Variants in SORCS1 observed in about 807,000 individuals in gnomAD.
SORCS1 encodes VPS10 domain-containing receptor SorCS1.
SORCS1 carries 60 observed loss-of-function variants against 146.1 expected under a neutral mutation model. The observed-to-expected ratio is 0.41, with a 90% CI of 0.33 to 0.51. The LOEUF is 0.51. SORCS1 is among the 20% of genes least tolerant of loss of function. The pLI, the probability that SORCS1 is intolerant of heterozygous loss-of-function variation, is 0.21. For missense variants in SORCS1, 1,352 were observed against 1,487.6 expected (o/e 0.91, Z 1.50); for synonymous variants, 637 against 584.0 (o/e 1.09, Z -1.31).
chr10:106,823,287 T>C (rs930482969), intron 3 of SORCS1, among the ~76,000 whole-genome samples: 4 of 152,204 alleles, frequency 2.6e-5, no homozygotes, highest in Admixed American at 2.0e-4. Context: ...AAGTGAGTGC[T>C]ATGCAAAGTC....
At chr10:107,026,302 G>C (rs1235948846) in intron 1 of SORCS1, among the ~76,000 whole-genome samples, 1 of 152,168 alleles carries the variant, frequency 6.6e-6, no homozygotes, top group African/African-American at 2.4e-5. Flanking sequence ...AAAGCTTGTA[G>C]TAGAGGCTAC....
At position 106,847,795 on chromosome 10, in the gene SORCS1, C is replaced by T. The variant is rs1478494230; in HGVS notation, c.627-18122G>A. Among the ~76,000 whole-genome samples, 358 of 128,424 alleles carry T rather than the reference C, an allele frequency of 2.8e-3. 5 individuals carry two copies. Among genetic ancestry groups the T allele is most frequent in the Non-Finnish European group, 3.8e-3 (214 of 56,730 alleles). 84.3% of individuals were successfully genotyped at this position (128,424 alleles called of 152,430 possible). On this transcript the variant is annotated intron_variant, in intron 2 of 25. Coordinates refer to ENST00000263054, the MANE Select transcript of SORCS1 (RefSeq NM_052918.5). ...TTCTGGTATGTTGTGTCTTTGTTCT[C>T]GTTGGTTTCAAAGAACATCTTTACT...
chr10:106,696,056 T>C (rs976894411), intron 9 of SORCS1, among the ~76,000 whole-genome samples: 1 of 152,212 alleles, frequency 6.6e-6, no homozygotes, highest in Admixed American at 6.5e-5. Flanking sequence ...TCCATCTACA[T>C]GTTTATACAT....
chr10:106,698,419 T>G (rs1376162095), intron 9 of SORCS1, among the ~76,000 whole-genome samples: 1 of 152,204 alleles, frequency 6.6e-6, no homozygotes, highest in Non-Finnish European at 1.5e-5. Context: ...ATTCTGACTG[T>G]TTTCAAATGG....
chr10:106,975,173 T>C (rs1390886768), intron 1 of SORCS1, among the ~76,000 whole-genome samples: 2 of 152,214 alleles, frequency 1.3e-5, no homozygotes, highest in Non-Finnish European at 2.9e-5. Context: ...ACAGCATGCT[T>C]CCCTCAGAGT....
chr10:107,102,283 T>C (rs1964979907), intron 1 of SORCS1, among the ~76,000 whole-genome samples: 1 of 152,164 alleles, frequency 6.6e-6, no homozygotes, highest in Admixed American at 6.5e-5. Context: ...ATTTAATGTA[T>C]GGGAAGGAAA....
intron 23 of SORCS1, among the ~76,000 whole-genome samples, chr10:106,602,356 T>C (rs1846291157): frequency 1.3e-5 from 2 of 152,148 alleles, no homozygotes; most frequent in African/African-American, 4.8e-5. Context: ...TGCCACACTA[T>C]TAAAGTCTCT....
rs146481670 is a variant in SORCS1, at chr10:106,997,393, A to G, written c.559-40813T>C. 3.7e-3 allele frequency among the ~76,000 whole-genome samples: 565 copies of G among 152,292 alleles called. 1 individual carries two copies. Among genetic ancestry groups the G allele is most frequent in the Middle Eastern group, 6.8e-3 (2 of 292 alleles). On this transcript the variant is annotated intron_variant, in intron 1 of 25. Transcript: ENST00000263054. The stretch of plus-strand genomic sequence containing the variant: ...TCCTGACACTTCACTGCTGCCACAG[A>G]TTCTCTTATTTTGACCAAATGCTTT...
At chr10:106,639,120 G>A (rs1848899287) in intron 18 of SORCS1, among the ~76,000 whole-genome samples, 1 of 152,202 alleles carries the variant, frequency 6.6e-6, no homozygotes, top group Non-Finnish European at 1.5e-5. Context: ...ACCAGCTTGA[G>A]GACTGAGCGG....
At chr10:106,781,144 G>A (rs1036752802) in intron 3 of SORCS1, among the ~76,000 whole-genome samples, 13 of 151,854 alleles carry the variant, frequency 8.6e-5, no homozygotes, top group African/African-American at 2.7e-4. Context: ...CGTCTCCTGC[G>A]GGCCTTCTTC....
intron 1 of SORCS1, among the ~76,000 whole-genome samples, chr10:107,153,294 T>C (rs1256309866): frequency 6.6e-6 from 1 of 152,186 alleles, no homozygotes; most frequent in East Asian, 1.9e-4. Flanking sequence ...AGTGGAGACT[T>C]AAATGTTGTA....
chr10:107,096,407 T>C (rs1358137278), intron 1 of SORCS1, among the ~76,000 whole-genome samples: 1 of 152,278 alleles, frequency 6.6e-6, no homozygotes, highest in Non-Finnish European at 1.5e-5. Flanking sequence ...AGTAGTTACC[T>C]ATAGGGAACA....
At chr10:106,692,632 A>G (rs936904953) in intron 9 of SORCS1, among the ~76,000 whole-genome samples, 1 of 152,226 alleles carries the variant, frequency 6.6e-6, no homozygotes, top group African/African-American at 2.4e-5. Flanking sequence ...ATCTTAATAA[A>G]GCTGTTTTAA....
intron 1 of SORCS1, among the ~76,000 whole-genome samples, chr10:107,009,576 A>G (rs7909055): frequency 0.79 from 120,376 of 152,116 alleles, 48,080 homozygotes; most frequent in African/African-American, 0.87. Flanking sequence ...TATGGATAAA[A>G]TATCTGGAAT....
chr10:107,117,776 G>T (rs1271199097), intron 1 of SORCS1, among the ~76,000 whole-genome samples: 1 of 152,034 alleles, frequency 6.6e-6, no homozygotes, highest in African/African-American at 2.4e-5. Context: ...TCACACAATT[G>T]TATTTTGGAA....
intron 1 of SORCS1, among the ~76,000 whole-genome samples, chr10:106,971,708 T>C (rs867896381): frequency 1.7e-4 from 26 of 152,214 alleles, no homozygotes; most frequent in African/African-American, 6.3e-4. Context: ...GAGTGTTAGC[T>C]TTCATGCACA....
At chr10:106,615,913 G>A (rs908221699) in intron 21 of SORCS1, among the ~76,000 whole-genome samples, 11 of 152,104 alleles carry the variant, frequency 7.2e-5, no homozygotes, top group African/African-American at 1.7e-4. Context: ...TTCTTAGCTC[G>A]TTTATTATAC....
chr10:106,644,926 A>G (rs1268462586), intron 18 of SORCS1, among the ~76,000 whole-genome samples: 3 of 152,170 alleles, frequency 2.0e-5, no homozygotes, highest in East Asian at 3.9e-4. Context: ...TTTGCAATGC[A>G]TATTATCTTA....
chr10:106,596,016 C>A (rs1266031888), intron 24 of SORCS1, among the ~76,000 whole-genome samples: 3 of 152,184 alleles, frequency 2.0e-5, no homozygotes, highest in South Asian at 2.1e-4. Context: ...AATCTTCACA[C>A]AATCCCACTG....
Sources: allele counts gnomAD v4.1 joint callset (sites outside exome capture counted in the v4.1 genomes callset), GRCh38; gene constraint gnomAD v4.1.1; transcripts MANE v1.5; gene names NCBI Gene and HGNC (gene_info 2026-07-23, HGNC 2026-07-21).